Variants in CFAP20DC observed in about 807,000 individuals in gnomAD.
The protein encoded by CFAP20DC is protein CFAP20DC.
In CFAP20DC, 84 loss-of-function variants were observed where a neutral mutation model predicts 101.7. The ratio of observed to expected loss-of-function variants is 0.83; its 90% CI spans 0.69 to 0.99. CFAP20DC has a LOEUF of 0.99. CFAP20DC is among the 50% of genes least tolerant of loss of function. CFAP20DC has a pLI of 0.00. For synonymous variants in CFAP20DC, 359 were observed against 351.2 expected (o/e 1.02, Z -0.25); for missense variants, 1,007 against 970.3 (o/e 1.04, Z -0.50).
intron 7 of CFAP20DC, among the ~76,000 whole-genome samples, chr3:58,875,050 T>C (rs1258335813): frequency 6.6e-6 from 1 of 152,162 alleles, no homozygotes; most frequent in African/African-American, 2.4e-5. Context: ...AAAGGAAGAC[T>C]AGGCAGGTCT....
chr3:58,886,204 C>T, intron 6 of CFAP20DC, among the ~76,000 whole-genome samples: 1 of 152,024 alleles, frequency 6.6e-6, no homozygotes, highest in East Asian at 1.9e-4. Flanking sequence ...ACTCAAGGAT[C>T]TATGCAAATA....
intron 6 of CFAP20DC, among the ~76,000 whole-genome samples, chr3:58,889,523 CTTT>C (rs953083506): frequency 1.2e-3 from 171 of 144,402 alleles, no homozygotes; most frequent in Non-Finnish European, 1.0e-3. Flanking sequence ...ATTCGCCAAT[CTTT>C]TTTTTTTCTT....
intron 5 of CFAP20DC, among the ~76,000 whole-genome samples, chr3:58,918,037 C>A (rs1406215185): frequency 1.3e-5 from 2 of 152,148 alleles, no homozygotes; most frequent in East Asian, 3.9e-4. Context: ...CATACTCAAG[C>A]CACTCTTTCA....
chr3:58,988,410 C>T (rs1000017724), intron 4 of CFAP20DC, among the ~76,000 whole-genome samples: 1 of 152,168 alleles, frequency 6.6e-6, no homozygotes, highest in African/African-American at 2.4e-5. Context: ...GTCTTCTTCG[C>T]ACTACATGTT....
At chr3:58,759,048 T>C (rs1575567334) in intron 15 of CFAP20DC, among the ~76,000 whole-genome samples, 1 of 152,240 alleles carries the variant, frequency 6.6e-6, no homozygotes, top group Non-Finnish European at 1.5e-5. Flanking sequence ...TTTGGGTATA[T>C]ACCCAGTAAT....
intron 4 of CFAP20DC, among the ~76,000 whole-genome samples, chr3:59,031,963 G>T (rs985897059): frequency 1.3e-5 from 2 of 152,150 alleles, no homozygotes; most frequent in African/African-American, 4.8e-5. Flanking sequence ...CAACCCAGAA[G>T]GCAGGTAATT....
At position 58,721,578 on chromosome 3, in the gene CFAP20DC, T is replaced by C. The variant is rs890937039; in HGVS notation, c.198-3950A>G. On this transcript the variant is annotated intron_variant, in intron 3 of 3. Transcript: ENST00000486145. This position sits in a 1 kb window ranked among gnomAD's most constrained non-coding sequence, Gnocchi z 5.2. ...AGTCGTAGCACCCAAGACCCCAGGG[T>C]AGGAGAGCCCAGGGGAAAGTAAAAG... 6.6e-6 allele frequency among the ~76,000 whole-genome samples: 1 copy of C among 151,834 alleles called. No individual in the cohort carries two copies. Among genetic ancestry groups the C allele is most frequent in the African/African-American group, 2.4e-5 (1 of 41,328 alleles).
At chr3:58,835,381 A>T (rs1256937349) in intron 13 of CFAP20DC, among the ~76,000 whole-genome samples, 3 of 152,148 alleles carry the variant, frequency 2.0e-5, no homozygotes, top group Non-Finnish European at 4.4e-5. Flanking sequence ...TGACAAATGG[A>T]GTTAGTGGCC....
At chr3:59,027,417 C>T (rs535492197) in intron 4 of CFAP20DC, among the ~76,000 whole-genome samples, 1 of 152,256 alleles carries the variant, frequency 6.6e-6, no homozygotes, top group East Asian at 1.9e-4. Flanking sequence ...AGAATCCTAA[C>T]CTCTCCAAAC....
At chr3:58,779,244 G>A (rs919883012) in intron 15 of CFAP20DC, among the ~76,000 whole-genome samples, 10 of 152,096 alleles carry the variant, frequency 6.6e-5, no homozygotes, top group South Asian at 2.1e-4. Context: ...CAGGATATGA[G>A]TGAGAAATTT....
At chr3:58,746,525 C>T (rs1047506496) in intron 16 of CFAP20DC, among the ~76,000 whole-genome samples, 10 of 152,136 alleles carry the variant, frequency 6.6e-5, no homozygotes, top group African/African-American at 2.4e-4. Flanking sequence ...GGCCATGGGT[C>T]TTTATCACCC....
intron 14 of CFAP20DC, among the ~76,000 whole-genome samples, 193 bp from the exon 15 acceptor site, chr3:58,806,649 C>T (rs552705489): frequency 7.2e-5 from 11 of 152,254 alleles, no homozygotes; most frequent in Middle Eastern, 3.4e-3. Context: ...ATGCAGAAGA[C>T]GGGTGATTTC....
chr3:58,979,654 A>G (rs1383284804), intron 4 of CFAP20DC, among the ~76,000 whole-genome samples: 8 of 152,206 alleles, frequency 5.3e-5, no homozygotes, highest in Non-Finnish European at 1.2e-4. Flanking sequence ...ACTGAGTTTC[A>G]GCACTTTAGG....
At position 58,717,600 on chromosome 3, in the gene CFAP20DC, A is replaced by C. The variant is rs1340048900; in HGVS notation, c.228T>G (p.Ile76Met). ...GTGAGTTTTGCCTTCACAGTTGCAA[A>C]ATGGCTGTAGCACTTCCAGACATTT... The change falls in exon 4 of 4, where the codon ATT becomes ATG. Residue 76 changes from isoleucine to methionine, a missense_variant. Physicochemically the swap from Ile to Met is conservative, Grantham distance 10 (BLOSUM62 1). Coordinates refer to the CFAP20DC transcript ENST00000486145. The surrounding 1 kb of genome is among the most constrained non-coding windows in gnomAD (Gnocchi z 4.1). The C allele has an allele frequency of 2.2e-6, 1 of 453,854 alleles. No individual in the cohort carries two copies. The highest frequency in any genetic ancestry group is 2.0e-5 in the African/African-American group (1 of 49,908). 28.1% of individuals were successfully genotyped at this position (453,854 alleles called of 1,614,324 possible).
At chr3:58,840,676 G>C (rs950636557) in intron 13 of CFAP20DC, among the ~76,000 whole-genome samples, 1 of 152,076 alleles carries the variant, frequency 6.6e-6, no homozygotes, top group East Asian at 1.9e-4. Flanking sequence ...AATTTGAGAA[G>C]GTTTCATTTG....
At chr3:58,723,884 TG>T (rs1376744863) in intron 3 of CFAP20DC, among the ~76,000 whole-genome samples, 1 of 152,238 alleles carries the variant, frequency 6.6e-6, no homozygotes, top group Admixed American at 6.5e-5. Context: ...TGTTTTTTTA[TG>T]GGAAAGGACA....
At chr3:58,951,251 A>G (rs2108041161) in intron 4 of CFAP20DC, among the ~76,000 whole-genome samples, 2 of 151,902 alleles carry the variant, frequency 1.3e-5, no homozygotes, top group South Asian at 2.1e-4. Flanking sequence ...AAAAAGTTAG[A>G]AAACAACAGG....
At chr3:58,982,623 C>T (rs561896405) in intron 4 of CFAP20DC, among the ~76,000 whole-genome samples, 1 of 146,272 alleles carries the variant, frequency 6.8e-6, no homozygotes, top group African/African-American at 2.5e-5. Context: ...AAACAAACAC[C>T]GCATGTTCTC....
At chr3:58,830,749 T>A (rs1453698756) in intron 14 of CFAP20DC, among the ~76,000 whole-genome samples, 1 of 152,222 alleles carries the variant, frequency 6.6e-6, no homozygotes, top group African/African-American at 2.4e-5. Flanking sequence ...TATTTTAGTC[T>A]GTTTGCTATG....
Sources: gnomAD v4.1 joint callset for allele counts (sites outside exome capture counted in the v4.1 genomes callset) on GRCh38, gnomAD v4.1.1 for gene constraint, Gnocchi (gnomAD v3.1) non-coding constraint, MANE v1.5 for transcripts, NCBI Gene and HGNC (gene_info 2026-07-23, HGNC 2026-07-21) for gene names.